The following SETD1B variants were observed in gnomAD, a reference collection of about 807,000 sequenced individuals.
SETD1B encodes the protein histone-lysine N-methyltransferase SETD1B.
SETD1B carries 7 observed loss-of-function variants against 148.0 expected under a neutral mutation model. That is an observed-to-expected ratio of 0.05 (90% CI 0.03 to 0.09). SETD1B has a LOEUF of 0.09. SETD1B is among the 10% of genes least tolerant of loss of function. The probability of loss-of-function intolerance (pLI) is 1.00; values close to 1 mark genes in which losing one functional copy is unlikely to be tolerated. For missense variants in SETD1B, 2,155 were observed against 2,729.9 expected, an observed-to-expected ratio of 0.79 and a Z score of 4.69; for synonymous variants, 1,361 against 1,186.5, an observed-to-expected ratio of 1.15 and a Z score of -3.02.
In SETD1B at chr12:121,810,156, T is replaced by G; in HGVS notation, c.1211T>G (p.Val404Gly). 2 of 1,549,974 alleles carry G rather than the reference T, an allele frequency of 1.3e-6. No homozygotes were observed. Among genetic ancestry groups the G allele is most frequent in the Non-Finnish European group, 1.7e-6 (2 of 1,146,854 alleles). ...GCTTTCTCTCCGTATCAGACCCCAG[T>G]GGCCCACTTCCCTCCACCCCCGGAA... ...KSAFSPYQTP[V>G]AHFPPPPEEP... The change falls in exon 6 of 17, where the codon GTG becomes GGG. Residue 404 changes from valine to glycine, a missense_variant. Transcript: ENST00000604567. This position sits in a 1 kb window ranked among gnomAD's most constrained non-coding sequence, Gnocchi z 7.6.
In SETD1B at chr12:121,814,379, G is replaced by T; in HGVS notation, c.2164G>T (p.Ala722Ser). 1.2e-6 allele frequency: 1 copy of T among 807,564 alleles called. No homozygotes were observed. Among genetic ancestry groups the T allele is most frequent in the Admixed American group, 3.5e-5 (1 of 28,732 alleles). 50.0% of individuals were successfully genotyped at this position (807,564 alleles called of 1,614,324 possible). ...GCCCCCACCCCCTCCAGCCCACCCT[G>T]CTGTGACAGTGCCCCCACCACCCTT... ...PPPPPPPAHP[A>S]VTVPPPPLPA... The change falls in exon 7 of 17, where the codon GCT (alanine) becomes TCT (serine). Residue 722 changes from alanine (A) to serine (S), a missense_variant. Ala to Ser is a moderately conservative substitution (Grantham distance 99). Around this residue, in one of 11 missense-constraint regions of SETD1B, gnomAD observed 295 missense variants for 303.8 expected, o/e 0.97. Coordinates refer to ENST00000604567, the MANE Select transcript of SETD1B (RefSeq NM_001353345.2).
intron 7 of SETD1B, among the ~76,000 whole-genome samples, chr12:121,816,272 T>A (rs1876290279): frequency 7.8e-6 from 1 of 128,190 alleles, no homozygotes; most frequent in Non-Finnish European, 1.6e-5. Flanking sequence ...TCCCCCCTGC[T>A]CCCCTCCCTC....
intron 7 of SETD1B, among the ~76,000 whole-genome samples, chr12:121,815,410 C>T (rs1876244370): frequency 6.6e-6 from 1 of 152,152 alleles, no homozygotes; most frequent in Admixed American, 6.6e-5. Context: ...CCCCCCCGCC[C>T]ATTGCAGACA....
chr12:121,812,807 A>G (rs992888970), intron 6 of SETD1B, among the ~76,000 whole-genome samples: 2 of 151,746 alleles, frequency 1.3e-5, no homozygotes, highest in Admixed American at 1.3e-4. Flanking sequence ...GGACCTGGTA[A>G]AGTCCAGAGC....
Position 121,804,757 on chromosome 12 carries a change from C to CCCA in SETD1B, c.33_35dup (p.His11dup), listed in dbSNP as rs756897560. 1.5e-5 allele frequency: 24 copies of CCCA among 1,549,634 alleles called. No individual in the cohort carries two copies. The highest frequency in any genetic ancestry group is 1.1e-4 in the South Asian group (9 of 83,962). ...AACGGCATGGAGAACAGTCACCCCCCCCACCACCACCACCAGCAGCCCCCG... is the reference window on the plus strand; with the variant it reads ...AACGGCATGGAGAACAGTCACCCCCCCCACCACCACCACCACCAGCAGCCCCCG... On this transcript the variant is annotated inframe_insertion, in exon 2 of 17. Transcript: ENST00000604567. The surrounding 1 kb of genome is among the most constrained non-coding windows in gnomAD (Gnocchi z 4.6).
chr12:121,792,977 A>G, the SETD1B span, among the ~76,000 whole-genome samples: 1 of 152,346 alleles, frequency 6.6e-6, no homozygotes, highest in African/African-American at 2.4e-5. Flanking sequence ...ACTTACGTAT[A>G]GGGCTTGGCC....
Position 121,814,979 on chromosome 12 carries a change from G to C in SETD1B, c.2715+49G>C. 1.4e-6 allele frequency: 2 copies of C among 1,471,210 alleles called. 1 individual carries two copies. Among genetic ancestry groups the C allele is most frequent in the South Asian group, 2.6e-5 (2 of 76,256 alleles). 91.1% of individuals were successfully genotyped at this position (1,471,210 alleles called of 1,614,324 possible). On this transcript the variant is annotated intron_variant, in intron 7 of 16. Coordinates refer to ENST00000604567, the MANE Select transcript of SETD1B (RefSeq NM_001353345.2). ...TGCAGGGTGGCTGTGGAGGGGGGCA[G>C]GTCCCCAGCCGGGCACCTCCTCTTT...
At position 121,810,743 on chromosome 12, in the gene SETD1B, C is replaced by A. The variant is rs1405136012; in HGVS notation, c.1798C>A (p.Pro600Thr). The A allele has an allele frequency of 6.4e-7, 1 of 1,550,814 alleles. No homozygotes were observed. Among genetic ancestry groups the A allele is most frequent in the Non-Finnish European group, 8.7e-7 (1 of 1,146,530 alleles). ...LGPRPPPEPG[P>T]PDPAGLLSQT... ...GCCTCGGCCTCCACCTGAGCCAGGC[C>A]CCCCGGACCCTGCTGGGCTTCTGAG... The change falls in exon 6 of 17, where the codon CCC (proline) becomes ACC (threonine). Residue 600 changes from proline (P) to threonine (T), a missense_variant. Transcript: ENST00000604567. The surrounding 1 kb of genome is among the most constrained non-coding windows in gnomAD (Gnocchi z 7.6).
At position 121,828,233 on chromosome 12, in the gene SETD1B, A is replaced by G. The variant is rs184142719; in HGVS notation, c.5727+163A>G. Among the ~76,000 whole-genome samples, 269 of 152,354 alleles carry G rather than the reference A, an allele frequency of 1.8e-3. 1 individual carries two copies. The highest frequency in any genetic ancestry group is 2.8e-3 in the Non-Finnish European group (190 of 68,036). On this transcript the variant is annotated intron_variant, in intron 16 of 16. Coordinates refer to ENST00000604567, the MANE Select transcript of SETD1B (RefSeq NM_001353345.2). Reference sequence around the variant, plus strand: ...GAGAGGAGGACATGTGAGGTCTTTTACCAGGAGCTCTACTCCTCTGAGCCT... The same window carrying G: ...GAGAGGAGGACATGTGAGGTCTTTTGCCAGGAGCTCTACTCCTCTGAGCCT...
In SETD1B at chr12:121,814,504, G is replaced by C; in HGVS notation, c.2289G>C (p.Val763=). Residue 763 remains valine, a synonymous_variant, in exon 7 of 17, where the codon GTG becomes GTC. Transcript: ENST00000604567. The part of the protein sequence containing the change: ...FPVMQVDMSH[V]LGGQWGGMPM... ...TGATGCAGGTGGACATGAGCCACGT[G>C]CTGGGTGGCCAGTGGGGCGGCATGC... 6.8e-7 allele frequency: 1 copy of C among 1,465,218 alleles called. No homozygotes were observed. The highest frequency in any genetic ancestry group is 9.1e-7 in the Non-Finnish European group (1 of 1,103,328). 90.8% of individuals were successfully genotyped at this position (1,465,218 alleles called of 1,614,324 possible).
rs550208198 is a variant in SETD1B at position 121,817,082 on chromosome 12, C to T, written c.2765C>T (p.Pro922Leu). The change falls in exon 8 of 17, where the codon CCG becomes CTG. Residue 922 changes from proline (P) to leucine (L), a missense_variant. Around this residue, in one of 11 missense-constraint regions of SETD1B, gnomAD observed 289 missense variants for 423.7 expected, o/e 0.68. Transcript: ENST00000604567. The surrounding 1 kb of genome is among the most constrained non-coding windows in gnomAD (Gnocchi z 8.1). The part of the protein sequence containing the change: ...KSGEHKDEDR[P>L]KPKDRIASCL... ...GGCGAGCACAAGGACGAGGACAGGC[C>T]GAAGCCCAAGGACCGCATCGCCTCG... 2.8e-5 allele frequency: 43 copies of T among 1,547,618 alleles called. No individual in the cohort carries two copies. The South Asian group carries it at 3.6e-4, about 13-fold the overall frequency.
chr12:121,797,369 G>A, the SETD1B span: 11 of 441,066 alleles, frequency 2.5e-5, 1 homozygote, highest in East Asian at 7.0e-5. Flanking sequence ...GCCCCGCCCC[G>A]CGTTCGCTGG....
chr12:121,826,009 T>G (rs1876823004), intron 13 of SETD1B, among the ~76,000 whole-genome samples: 1 of 152,120 alleles, frequency 6.6e-6, no homozygotes, highest in Non-Finnish European at 1.5e-5. Context: ...CGGGCACTGT[T>G]CTGGGTCTAT....
chr12:121,793,372 A>AG, the SETD1B span: 1 of 1,438,670 alleles, frequency 7.0e-7, no homozygotes, highest in Non-Finnish European at 9.4e-7. Flanking sequence ...GGAATTCCCG[A>AG]GGGGGCGCCC....
chr12:121,797,656 T>A, the SETD1B span: 15 of 454,652 alleles, frequency 3.3e-5, no homozygotes, highest in Non-Finnish European at 6.2e-5. Context: ...GAGGGAGACG[T>A]ACATCAATTA....
At position 121,817,620 on chromosome 12, in the gene SETD1B, G is replaced by A. The variant is rs1170200548; in HGVS notation, c.3228G>A (p.Glu1076=). The stretch of plus-strand genomic sequence containing the variant: ...AGGAGGAACAGGAGAGCACCGAGGA[G>A]GAAGAGGAGGCGGAGGAGGAGGAGG... ...DKEEEQESTE[E]EEEAEEEEEE... The change falls in exon 9 of 17, where the codon GAG becomes GAA. Residue 1076 remains glutamate, a synonymous_variant. Coordinates refer to ENST00000604567, the MANE Select transcript of SETD1B (RefSeq NM_001353345.2). The surrounding 1 kb of genome is among the most constrained non-coding windows in gnomAD (Gnocchi z 8.1). 9.7e-6 allele frequency: 15 copies of A among 1,551,480 alleles called. No individual in the cohort carries two copies. Among genetic ancestry groups the A allele is most frequent in the African/African-American group, 1.4e-5 (1 of 73,070 alleles).
Position 121,804,701 on chromosome 12 carries a change from G to C in SETD1B, c.-14-23G>C, listed in dbSNP as rs947860996. 1 of 1,543,206 alleles carries C rather than the reference G, an allele frequency of 6.5e-7. No homozygotes were observed. Among genetic ancestry groups the C allele is most frequent in the African/African-American group, 1.4e-5 (1 of 72,296 alleles). ...CCGCCGCCGCCGCCGCGGCGGAGAC[G>C]ACAACAACTTGCTGGTTTTCAGGTT... is the stretch of plus-strand genomic sequence containing the variant. On this transcript the variant is annotated intron_variant, in intron 1 of 16. Coordinates refer to ENST00000604567, the MANE Select transcript of SETD1B (RefSeq NM_001353345.2). This position sits in a 1 kb window ranked among gnomAD's most constrained non-coding sequence, Gnocchi z 4.6.
chr12:121,814,991 G>A, intron 7 of SETD1B, 61 bp downstream of exon 7: 3 of 1,413,424 alleles, frequency 2.1e-6, no homozygotes, highest in Non-Finnish European at 2.9e-6. Context: ...TCCCCAGCCG[G>A]GCACCTCCTC....
the SETD1B span, chr12:121,797,769 A>G: frequency 2.8e-6 from 1 of 358,164 alleles, no homozygotes; most frequent in Non-Finnish European, 5.5e-6. Context: ...GTAACGTGAG[A>G]GCAACGGGGT....
Sources: allele counts gnomAD v4.1 joint callset (sites outside exome capture counted in the v4.1 genomes callset), GRCh38; gene constraint gnomAD v4.1.1; regional missense constraint gnomAD v4.1.1; non-coding constraint Gnocchi (gnomAD v3.1); transcripts MANE v1.5; gene names NCBI Gene and HGNC (gene_info 2026-07-23, HGNC 2026-07-21).